Variants in ZMYND8 observed in about 807,000 individuals in gnomAD.
ZMYND8 encodes the protein zinc finger MYND-type containing 8, also known as MYND-type zinc finger-containing chromatin reader ZMYND8.
ZMYND8 carries 37 observed loss-of-function variants against 140.8 expected under a neutral mutation model. The observed-to-expected ratio is 0.26, with a 90% CI of 0.20 to 0.35. The LOEUF (loss-of-function observed/expected upper bound fraction) is 0.35. ZMYND8 is among the 10% of genes least tolerant of loss of function. The probability of loss-of-function intolerance (pLI) is 1.00; values close to 1 mark genes in which losing one functional copy is unlikely to be tolerated. For synonymous variants in ZMYND8, 592 were observed against 597.1 expected (o/e 0.99, Z 0.12); for missense variants, 1,068 against 1,570.0 (o/e 0.68, Z 5.40).
intron 12 of ZMYND8, among the ~76,000 whole-genome samples, chr20:47,250,979 G>A (rs2074121375): frequency 6.6e-6 from 1 of 151,764 alleles, no homozygotes; most frequent in South Asian, 2.1e-4. Flanking sequence ...ACTGAGCTAT[G>A]ATCACGCCAC....
intron 5 of ZMYND8, 79 bp downstream of exon 5, chr20:47,294,587 A>G: frequency 7.2e-7 from 1 of 1,391,430 alleles, no homozygotes; most frequent in South Asian, 1.2e-5. Flanking sequence ...CAGGTACCTA[A>G]AAAGCTAAGC....
intron 5 of ZMYND8, among the ~76,000 whole-genome samples, chr20:47,292,435 A>G (rs1359471376): frequency 1.3e-5 from 2 of 152,188 alleles, no homozygotes; most frequent in Non-Finnish European, 2.9e-5. Context: ...AAAACAAAAA[A>G]ATTGTGCAAA....
intron 19 of ZMYND8, among the ~76,000 whole-genome samples, chr20:47,222,710 A>C (rs2146952395): frequency 6.6e-6 from 1 of 152,394 alleles, no homozygotes; most frequent in African/African-American, 2.4e-5. Flanking sequence ...ACTTTACTCC[A>C]GTAAGAGACC....
intron 18 of ZMYND8, among the ~76,000 whole-genome samples, chr20:47,226,491 A>C (rs896276078): frequency 7.9e-5 from 12 of 152,216 alleles, no homozygotes; most frequent in African/African-American, 2.9e-4. Context: ...CGCACTGAGC[A>C]GTGCACAGGA....
chr20:47,220,966 G>A (rs529501695), intron 20 of ZMYND8, among the ~76,000 whole-genome samples: 27 of 152,198 alleles, frequency 1.8e-4, no homozygotes, highest in African/African-American at 6.3e-4. Context: ...TGTAAAATCA[G>A]GTCCTCGGTC....
chr20:47,260,177 C>G (rs1460650858), intron 12 of ZMYND8, among the ~76,000 whole-genome samples: 5 of 151,950 alleles, frequency 3.3e-5, no homozygotes, highest in Non-Finnish European at 7.4e-5. Context: ...CCAGGAGCAC[C>G]CCAACCCCAG....
chr20:47,319,099 G>A (rs772526506), intron 2 of ZMYND8: 27 of 1,266,044 alleles, frequency 2.1e-5, no homozygotes, highest in African/African-American at 3.0e-5. Context: ...AACAGGCTAA[G>A]AGTCACCACT....
chr20:47,290,305 A>G (rs747445693), intron 6 of ZMYND8, 31 bp from the exon 7 acceptor site: 1 of 1,603,134 alleles, frequency 6.2e-7, no homozygotes, highest in Non-Finnish European at 8.5e-7. Flanking sequence ...GCATAATCAC[A>G]GTGAGTCTAG....
chr20:47,310,863 C>T (rs770010198), intron 2 of ZMYND8, among the ~76,000 whole-genome samples: 2 of 151,964 alleles, frequency 1.3e-5, no homozygotes, highest in African/African-American at 2.4e-5. Flanking sequence ...AACAGCTACC[C>T]CACTTTTAGA....
At chr20:47,313,515 G>C (rs932303671) in intron 2 of ZMYND8, among the ~76,000 whole-genome samples, 3 of 151,998 alleles carry the variant, frequency 2.0e-5, no homozygotes, top group Non-Finnish European at 4.4e-5. Flanking sequence ...CCAGCTACTC[G>C]GGAGGCTGAG....
At chr20:47,249,879 G>A (rs965221352) in intron 12 of ZMYND8, among the ~76,000 whole-genome samples, 5 of 151,378 alleles carry the variant, frequency 3.3e-5, no homozygotes, top group Admixed American at 6.6e-5. Flanking sequence ...GAAAGATGGC[G>A]ACCCCCTCGA....
chr20:47,335,715 G>A (rs1382255020), intron 2 of ZMYND8, among the ~76,000 whole-genome samples: 1 of 152,084 alleles, frequency 6.6e-6, no homozygotes, highest in East Asian at 1.9e-4. Flanking sequence ...TTCAAAAATG[G>A]GGCAAACACA....
intron 17 of ZMYND8, 54 bp from the exon 18 acceptor site, chr20:47,227,335 A>G (rs1296345351): frequency 1.3e-6 from 2 of 1,564,728 alleles, no homozygotes; most frequent in Non-Finnish European, 8.8e-7. Flanking sequence ...GTTCACCAGG[A>G]GGGCTCAGAA....
intron 2 of ZMYND8, among the ~76,000 whole-genome samples, chr20:47,334,917 A>C (rs2081276837): frequency 6.6e-6 from 1 of 151,640 alleles, no homozygotes; most frequent in South Asian, 2.1e-4. Flanking sequence ...GTCTCCGTGA[A>C]AATATATTAA....
At chr20:47,309,529 A>G (rs2078756156) in intron 3 of ZMYND8, among the ~76,000 whole-genome samples, 1 of 151,914 alleles carries the variant, frequency 6.6e-6, no homozygotes, top group South Asian at 2.1e-4. Context: ...GGATGGTCTC[A>G]ATCTCTTGAC....
intron 2 of ZMYND8, among the ~76,000 whole-genome samples, chr20:47,346,693 G>A (rs1014958908): frequency 2.0e-5 from 3 of 151,842 alleles, no homozygotes; most frequent in African/African-American, 4.8e-5. Context: ...TGCAACCTCC[G>A]CCTCCCAGGT....
chr20:47,265,149 AT>A lies in ZMYND8; in HGVS notation c.1481-2722del, dbSNP rs549156020. On this transcript the variant is annotated intron_variant, in intron 11 of 22. Transcript: ENST00000471951. ...TATTAATTCATTTATGTTCTACCTC[AT>A]TCCAAAAGCAATTTGCAGCTGCTCA... 2.9e-3 allele frequency among the ~76,000 whole-genome samples: 434 copies of A among 151,758 alleles called. 1 individual carries two copies. Among genetic ancestry groups the A allele is most frequent in the Non-Finnish European group, 4.9e-3 (336 of 67,952 alleles).
intron 20 of ZMYND8, among the ~76,000 whole-genome samples, chr20:47,220,748 CT>C (rs1309081979): frequency 6.6e-6 from 1 of 152,154 alleles, no homozygotes; most frequent in Non-Finnish European, 1.5e-5. Context: ...AACGATTTAT[CT>C]TTTTCCTAAT....
At chr20:47,250,258 C>T (rs1448534079) in intron 12 of ZMYND8, among the ~76,000 whole-genome samples, 2 of 152,114 alleles carry the variant, frequency 1.3e-5, no homozygotes, top group Non-Finnish European at 2.9e-5. Context: ...TTCTTGGATT[C>T]CTCTCCCACC....
Sources: gnomAD v4.1 joint callset for allele counts (sites outside exome capture counted in the v4.1 genomes callset) on GRCh38, gnomAD v4.1.1 for gene constraint, MANE v1.5 for transcripts, NCBI Gene and HGNC (gene_info 2026-07-23, HGNC 2026-07-21) for gene names.